Variants in IARS1 observed in about 807,000 individuals in gnomAD.
IARS1 encodes the protein isoleucyl-tRNA synthetase 1.
IARS1 carries 124 observed loss-of-function variants against 168.2 expected under a neutral mutation model. The observed-to-expected ratio is 0.74, with a 90% CI of 0.64 to 0.86. The LOEUF (loss-of-function observed/expected upper bound fraction) is 0.86. Ranked by LOEUF, IARS1 falls within the 40% of genes least tolerant of loss-of-function variation. The probability of loss-of-function intolerance (pLI) is 0.00; values close to 1 mark genes in which losing one functional copy is unlikely to be tolerated. For missense variants in IARS1, 1,452 were observed against 1,515.8 expected, an observed-to-expected ratio of 0.96 and a Z score of 0.70; for synonymous variants, 532 against 529.4, an observed-to-expected ratio of 1.00 and a Z score of -0.07.
intron 1 of IARS1, among the ~76,000 whole-genome samples, chr9:92,292,206 G>T (rs1259370445): frequency 7.1e-6 from 1 of 141,090 alleles, no homozygotes; most frequent in African/African-American, 3.1e-5. Context: ...TTTTTGGTGG[G>T]GAGGGGGTGG....
At chr9:92,271,424 CA>C in intron 11 of IARS1, 108 bp downstream of exon 11, 3 of 1,424,786 alleles carry the variant, frequency 2.1e-6, no homozygotes, top group Admixed American at 1.8e-5. Context: ...CATGCGATGA[CA>C]AAACCAAATA....
At chr9:92,221,768 TCA>T (rs1232252398) in intron 33 of IARS1, among the ~76,000 whole-genome samples, 2 of 152,192 alleles carry the variant, frequency 1.3e-5, no homozygotes, top group Admixed American at 6.5e-5. Flanking sequence ...ATCTAGCTCT[TCA>T]CAGTGTTACG....
In IARS1 at chr9:92,289,317, A is replaced by G. The variant is rs748896156; in HGVS notation, c.103T>C (p.Ser35Pro). The G allele has an allele frequency of 1.4e-5, 21 of 1,483,230 alleles. No homozygotes were observed. Among genetic ancestry groups the G allele is most frequent in the Non-Finnish European group, 1.9e-5 (20 of 1,068,894 alleles). 91.9% of individuals were successfully genotyped at this position (1,483,230 alleles called of 1,614,324 possible). The change falls in exon 2 of 34, where the codon TCA becomes CCA. Residue 35 changes from serine (S) to proline (P), a missense_variant. Coordinates refer to ENST00000443024, the MANE Select transcript of IARS1 (RefSeq NM_002161.6). ...FNCFQECLKQ[S>P]KHKPKFTFYD... ...TTCACATACTTTGGTTTATGTTTTG[A>G]TTGCTTTAAGCATTCCTGAAAACAA...
At chr9:92,272,864 C>CAAA (rs869076663) in intron 10 of IARS1, among the ~76,000 whole-genome samples, 58 of 56,998 alleles carry the variant, frequency 1.0e-3, no homozygotes, top group African/African-American at 2.4e-3. Context: ...CAAAACAAAA[C>CAAA]AAAAAAAAAA....
intron 30 of IARS1, among the ~76,000 whole-genome samples, chr9:92,238,153 GC>G (rs1827827892): frequency 6.6e-6 from 1 of 152,180 alleles, no homozygotes; most frequent in Non-Finnish European, 1.5e-5. Flanking sequence ...TGATCCGCCT[GC>G]CTTGGCCTTC....
chr9:92,267,960 G>C (rs72750447), intron 14 of IARS1, among the ~76,000 whole-genome samples: 5,387 of 152,082 alleles, frequency 0.035, 144 homozygotes, highest in South Asian at 0.086. Context: ...ACAGAGGAAA[G>C]TTTTATAAAT....
At position 92,247,570 on chromosome 9, in the gene IARS1, A is replaced by G. The variant is rs562384872; in HGVS notation, c.2617-19T>C. 2.4e-4 allele frequency: 389 copies of G among 1,605,128 alleles called. 1 individual carries two copies. In the Middle Eastern group the frequency reaches 0.012, roughly 49 times the overall value. ...TGAGTTCCTACAGTTAATGCACAAG[A>G]GGAAACAAAAATGAGAAATGAAAAC... On this transcript the variant is annotated intron_variant, in intron 25 of 33. Transcript: ENST00000443024.
At chr9:92,222,426 AGTACTATCTTACAT>A in intron 33 of IARS1, 80 bp downstream of exon 33, 1 of 808,480 alleles carries the variant, frequency 1.2e-6, no homozygotes, top group East Asian at 2.6e-5. Context: ...GGATAACAAT[AGTACTATCTTACAT>A]GTATATGCTA....
Position 92,250,787 on chromosome 9 carries a change from CT to C in IARS1, c.2354del (p.Lys785ArgfsTer3), listed in dbSNP as rs753895682. 7 of 1,613,444 alleles carry C rather than the reference CT, an allele frequency of 4.3e-6. No homozygotes were observed. The East Asian group carries it at 1.3e-4, about 31-fold the overall frequency. On this transcript the variant is annotated frameshift_variant, in exon 23 of 34. Transcript: ENST00000443024. LOFTEE classifies it high-confidence loss of function. Reference protein sequence around the residue: ...FLTELMYQNLKVLIDPVSVQD... With the variant: ...FLTELMYQNLXVLIDPVSVQD... ...GAACAGAAACAGGGTCAATCAGCACCTTTAGATTCTGGTACATCAATTCAGT... is the reference window on the plus strand; with the variant it reads ...GAACAGAAACAGGGTCAATCAGCACCTTAGATTCTGGTACATCAATTCAGT...
At chr9:92,282,831 T>TAC (rs199686901) in intron 6 of IARS1, among the ~76,000 whole-genome samples, 2,865 of 144,606 alleles carry the variant, frequency 0.02, 114 homozygotes, top group African/African-American at 0.068. Context: ...CATATATACA[T>TAC]ACACACACAT....
At chr9:92,265,398 G>T in intron 15 of IARS1, 82 bp downstream of exon 15, 3 of 1,239,220 alleles carry the variant, frequency 2.4e-6, no homozygotes, top group Non-Finnish European at 3.6e-6. Flanking sequence ...TCACTTCCAT[G>T]TGTGGCTCTG....
intron 33 of IARS1, among the ~76,000 whole-genome samples, chr9:92,212,060 G>A (rs947966042): frequency 2.0e-5 from 3 of 152,132 alleles, no homozygotes; most frequent in African/African-American, 7.2e-5. Flanking sequence ...GCAAACAGAT[G>A]AGCTTCCTTT....
chr9:92,215,119 C>A, intron 33 of IARS1, among the ~76,000 whole-genome samples: 1 of 152,200 alleles, frequency 6.6e-6, no homozygotes. Flanking sequence ...TGACCCCTGA[C>A]CCCCGAGCAG....
At chr9:92,262,462 G>A (rs1831661399) in intron 17 of IARS1, among the ~76,000 whole-genome samples, 1 of 152,078 alleles carries the variant, frequency 6.6e-6, no homozygotes, top group African/African-American at 2.4e-5. Context: ...AAGGAAAAAT[G>A]AGACTTCCTT....
intron 33 of IARS1, among the ~76,000 whole-genome samples, chr9:92,212,385 T>A (rs2133300737): frequency 6.6e-6 from 1 of 152,342 alleles, no homozygotes; most frequent in Middle Eastern, 3.4e-3. Context: ...ACTAAACATT[T>A]AAAAGTTCTC....
intron 9 of IARS1, among the ~76,000 whole-genome samples, chr9:92,274,888 T>G (rs1266364330): frequency 6.6e-6 from 1 of 151,980 alleles, no homozygotes; most frequent in Non-Finnish European, 1.5e-5. Flanking sequence ...TGGTACATTT[T>G]CAATCACTGC....
intron 17 of IARS1, among the ~76,000 whole-genome samples, chr9:92,262,233 C>A (rs574561319): frequency 4.1e-4 from 63 of 152,196 alleles, no homozygotes; most frequent in African/African-American, 1.4e-3. Flanking sequence ...TCAAATGGTT[C>A]TGGGGATTAA....
At chr9:92,229,875 C>T (rs115643666) in intron 30 of IARS1, among the ~76,000 whole-genome samples, 2 of 152,236 alleles carry the variant, frequency 1.3e-5, no homozygotes, top group African/African-American at 4.8e-5. Context: ...TTTTATCACT[C>T]GTGTAAAATC....
chr9:92,264,644 T>A (rs1364378843), intron 16 of IARS1, among the ~76,000 whole-genome samples: 1 of 152,134 alleles, frequency 6.6e-6, no homozygotes, highest in Non-Finnish European at 1.5e-5. Flanking sequence ...TAAGAACACA[T>A]AACTTTTTTT....
Sources: gnomAD v4.1 joint callset for allele counts (sites outside exome capture counted in the v4.1 genomes callset) on GRCh38, gnomAD v4.1.1 for gene constraint, MANE v1.5 for transcripts, NCBI Gene and HGNC (gene_info 2026-07-23, HGNC 2026-07-21) for gene names.